Variants in FBXL7 observed in about 807,000 individuals in gnomAD.
The protein encoded by FBXL7 is F-box and leucine rich repeat protein 7.
FBXL7 carries 12 observed loss-of-function variants against 38.3 expected under a neutral mutation model. The ratio of observed to expected loss-of-function variants is 0.31; its 90% CI spans 0.20 to 0.51. The LOEUF (loss-of-function observed/expected upper bound fraction) is 0.51. Among genes scored for constraint, FBXL7 ranks in the 20% least tolerant of loss-of-function variants. The pLI, the probability that FBXL7 is intolerant of heterozygous loss-of-function variation, is 0.98. For missense variants in FBXL7, 567 were observed against 676.4 expected (o/e 0.84, Z 1.79); for synonymous variants, 297 against 300.9 (o/e 0.99, Z 0.13).
Position 15,928,030 on chromosome 5 carries a change from T to TCCCCCCCCCCCCC in FBXL7, c.272_273insCCCCCCCCCCCCC (p.Thr94ProfsTer143). The stretch of plus-strand genomic sequence containing the variant: ...CGGGGAGACGGTGGCCATGGTGCAC[T>TCCCCCCCCCCCCC]CCCCGCCCCCGACCCGCCTCACACA... On this transcript the variant is annotated frameshift_variant, in exon 3 of 4. Coordinates refer to ENST00000504595, the MANE Select transcript of FBXL7 (RefSeq NM_012304.5). LOFTEE classifies it high-confidence loss of function. This position sits in a 1 kb window ranked among gnomAD's most constrained non-coding sequence, Gnocchi z 4.0. 2 of 697,942 alleles carry TCCCCCCCCCCCCC rather than the reference T, an allele frequency of 2.9e-6. No homozygotes were observed. The highest frequency in any genetic ancestry group is 4.8e-6 in the Non-Finnish European group (2 of 414,358). The allele number at this position is 697,942 out of a possible 1,614,324, so 43.2% of individuals were successfully genotyped here. A position where few individuals can be genotyped will look rare whatever the true frequency, so the allele number is the denominator to read the frequency against.
chr5:15,534,128 C>G (rs920481300), intron 1 of FBXL7, among the ~76,000 whole-genome samples: 2 of 152,162 alleles, frequency 1.3e-5, no homozygotes, highest in Non-Finnish European at 2.9e-5. Context: ...GACACCCCCC[C>G]ACCAGAGTGG....
At chr5:15,752,178 A>T (rs1257958058) in intron 2 of FBXL7, among the ~76,000 whole-genome samples, 3 of 151,348 alleles carry the variant, frequency 2.0e-5, no homozygotes, top group African/African-American at 7.3e-5. Context: ...GCTAGGAGGG[A>T]TAACATTAGG....
At chr5:15,856,557 A>T (rs892358284) in intron 2 of FBXL7, among the ~76,000 whole-genome samples, 6 of 143,346 alleles carry the variant, frequency 4.2e-5, no homozygotes, top group South Asian at 2.1e-4. Context: ...AAGTAAAATT[A>T]AAAAAAAAAC....
At chr5:15,838,626 A>C (rs143549994) in intron 2 of FBXL7, among the ~76,000 whole-genome samples, 2 of 152,186 alleles carry the variant, frequency 1.3e-5, no homozygotes, top group African/African-American at 4.8e-5. Flanking sequence ...GTTTCTTTAT[A>C]TCAATGCATA....
intron 1 of FBXL7, among the ~76,000 whole-genome samples, chr5:15,594,213 G>A (rs1279862616): frequency 6.6e-6 from 1 of 152,192 alleles, no homozygotes; most frequent in Non-Finnish European, 1.5e-5. Context: ...TTTTGAATGA[G>A]GTTGAGAAGG....
At chr5:15,741,487 A>G (rs1215900448) in intron 2 of FBXL7, among the ~76,000 whole-genome samples, 1 of 152,212 alleles carries the variant, frequency 6.6e-6, no homozygotes, top group East Asian at 1.9e-4. Context: ...ATAAAATTAT[A>G]TACATGGGAG....
At chr5:15,869,369 A>G (rs906161783) in intron 2 of FBXL7, among the ~76,000 whole-genome samples, 19 of 152,162 alleles carry the variant, frequency 1.2e-4, no homozygotes, top group African/African-American at 4.3e-4. Context: ...TAAATGGGAC[A>G]GTCCCCGTTA....
At chr5:15,620,406 G>GTTTTTTT (rs368712808) in intron 2 of FBXL7, among the ~76,000 whole-genome samples, 1 of 116,616 alleles carries the variant, frequency 8.6e-6, no homozygotes, top group Non-Finnish European at 1.9e-5. Flanking sequence ...CTAATTTTTT[G>GTTTTTTT]TTTTTTGTTT....
intron 2 of FBXL7, among the ~76,000 whole-genome samples, chr5:15,808,474 C>T (rs1328400023): frequency 6.6e-6 from 1 of 152,108 alleles, no homozygotes; most frequent in Non-Finnish European, 1.5e-5. Flanking sequence ...ACCCCGTTCT[C>T]ATCTTCAGGC....
chr5:15,656,672 A>T (rs1471757622), intron 2 of FBXL7, among the ~76,000 whole-genome samples: 1 of 152,078 alleles, frequency 6.6e-6, no homozygotes, highest in Non-Finnish European at 1.5e-5. Flanking sequence ...ATATCACAAG[A>T]AAACATTGTT....
At chr5:15,634,220 C>T (rs1024868988) in intron 2 of FBXL7, among the ~76,000 whole-genome samples, 1 of 151,786 alleles carries the variant, frequency 6.6e-6, no homozygotes, top group Non-Finnish European at 1.5e-5. Context: ...TGTGTGCACA[C>T]ACCTGTGTGG....
chr5:15,604,570 A>T (rs568791399), intron 1 of FBXL7, among the ~76,000 whole-genome samples: 1 of 152,066 alleles, frequency 6.6e-6, no homozygotes, highest in East Asian at 1.9e-4. Context: ...GGTCAGGCTG[A>T]TCTCAAACTC....
rs1034562124 is a variant in FBXL7 at position 15,726,360 on chromosome 5, T to C, written c.127+110288T>C. On this transcript the variant is annotated intron_variant, in intron 2 of 3. Coordinates refer to ENST00000504595, the MANE Select transcript of FBXL7 (RefSeq NM_012304.5). ...CTGGAGCAAGGAGTTCCAGATTGTA[T>C]TGTGCTATGATAGTACCTGTGAGTA... 3.9e-5 allele frequency among the ~76,000 whole-genome samples: 6 copies of C among 152,032 alleles called. No individual in the cohort carries two copies. In the East Asian group the frequency reaches 5.8e-4, roughly 15 times the overall value.
chr5:15,845,210 T>G (rs1000621559), intron 2 of FBXL7, among the ~76,000 whole-genome samples: 1 of 152,246 alleles, frequency 6.6e-6, no homozygotes, highest in Non-Finnish European at 1.5e-5. Flanking sequence ...AGCACACATT[T>G]GGACAATTTC....
intron 2 of FBXL7, among the ~76,000 whole-genome samples, chr5:15,781,913 G>T (rs113637289): frequency 1.8e-4 from 27 of 152,078 alleles, no homozygotes; most frequent in Non-Finnish European, 4.4e-5. Context: ...CATGTGCCAT[G>T]GTGGTTTGCT....
In FBXL7 at chr5:15,928,190, G is replaced by T. The variant is rs1741941167; in HGVS notation, c.428G>T (p.Arg143Leu). 2 of 1,609,760 alleles carry T rather than the reference G, an allele frequency of 1.2e-6. No individual in the cohort carries two copies. The highest frequency in any genetic ancestry group is 4.5e-5 in the East Asian group (2 of 44,624). ...QLCRCARVCR[R>L]WYNLAWDPRL... ...TGCCGCTGCGCGCGAGTGTGCCGCC[G>T]CTGGTACAACCTGGCCTGGGACCCG... Residue 143 changes from arginine to leucine, a missense_variant, in exon 3 of 4, where the codon CGC becomes CTC. By Grantham distance (102) the Arg-to-Leu change is moderately radical. Transcript: ENST00000504595. The surrounding 1 kb of genome is among the most constrained non-coding windows in gnomAD (Gnocchi z 4.0).
chr5:15,931,130 G>C (rs769010447), intron 3 of FBXL7, among the ~76,000 whole-genome samples: 1 of 152,124 alleles, frequency 6.6e-6, no homozygotes, highest in Admixed American at 6.5e-5. Flanking sequence ...GACTACAACT[G>C]TATTGTTTTG....
At chr5:15,880,131 G>A (rs1740380160) in intron 2 of FBXL7, among the ~76,000 whole-genome samples, 1 of 152,136 alleles carries the variant, frequency 6.6e-6, no homozygotes, top group Admixed American at 6.6e-5. Flanking sequence ...TAAAATCACG[G>A]CTACTATTAC....
intron 1 of FBXL7, among the ~76,000 whole-genome samples, chr5:15,544,624 ATTAACT>A (rs1204297296): frequency 6.6e-6 from 1 of 152,154 alleles, no homozygotes; most frequent in African/African-American, 2.4e-5. Flanking sequence ...GGAAAAATAT[ATTAACT>A]TTAAGTTTTG....
Sources: allele counts gnomAD v4.1 joint callset (sites outside exome capture counted in the v4.1 genomes callset), GRCh38; gene constraint gnomAD v4.1.1; non-coding constraint Gnocchi (gnomAD v3.1); transcripts MANE v1.5; gene names NCBI Gene and HGNC (gene_info 2026-07-23, HGNC 2026-07-21).